The following OPCML variants were observed in gnomAD, a reference collection of about 807,000 sequenced individuals.
OPCML encodes opioid-binding protein/cell adhesion molecule.
OPCML carries 13 observed loss-of-function variants against 37.8 expected under a neutral mutation model. The observed-to-expected ratio is 0.34, with a 90% CI of 0.22 to 0.55. The LOEUF is 0.55. Among genes scored for constraint, OPCML ranks in the 20% least tolerant of loss-of-function variants. OPCML has a pLI of 0.91. For synonymous variants in OPCML, 176 were observed against 168.8 expected, an observed-to-expected ratio of 1.04 and a Z score of -0.33; for missense variants, 341 against 435.6, an observed-to-expected ratio of 0.78 and a Z score of 1.93.
At chr11:133,294,482 C>T (rs1942571794) in intron 1 of OPCML, among the ~76,000 whole-genome samples, 1 of 152,112 alleles carries the variant, frequency 6.6e-6, no homozygotes, top group African/African-American at 2.4e-5. Flanking sequence ...TTAAAGGTCT[C>T]TTCATTTGTT....
chr11:133,005,635 C>T, intron 1 of OPCML: 1 of 979,336 alleles, frequency 1.0e-6, no homozygotes, highest in Non-Finnish European at 1.2e-6. Context: ...TCTGATGGCT[C>T]AGCCATCCAA....
At chr11:132,612,334 TA>T (rs917676928) in intron 3 of OPCML, among the ~76,000 whole-genome samples, 1 of 152,246 alleles carries the variant, frequency 6.6e-6, no homozygotes, top group Admixed American at 6.5e-5. Context: ...CATAAGTTTG[TA>T]ATATAAATAA....
At chr11:132,569,376 ACTTGTAGC>A (rs1253416050) in intron 3 of OPCML, among the ~76,000 whole-genome samples, 1 of 152,192 alleles carries the variant, frequency 6.6e-6, no homozygotes, top group Non-Finnish European at 1.5e-5. Context: ...TTCATCTCAG[ACTTGTAGC>A]CTCTAGAACT....
At chr11:133,386,450 T>G (rs1246314031) in intron 1 of OPCML, among the ~76,000 whole-genome samples, 1 of 152,164 alleles carries the variant, frequency 6.6e-6, no homozygotes, top group Non-Finnish European at 1.5e-5. Context: ...GAAGACATAC[T>G]GGCCAGCTCC....
At chr11:132,833,603 T>C (rs543011463) in intron 2 of OPCML, among the ~76,000 whole-genome samples, 1 of 152,390 alleles carries the variant, frequency 6.6e-6, no homozygotes, top group South Asian at 2.1e-4. Flanking sequence ...TAAAGCTTAA[T>C]GTGCCTTACA....
chr11:132,663,814 GT>G (rs907259229), intron 2 of OPCML, among the ~76,000 whole-genome samples: 184 of 151,708 alleles, frequency 1.2e-3, no homozygotes, highest in South Asian at 3.3e-3. Flanking sequence ...ATTTAATGTT[GT>G]TTTTTTTGTT....
chr11:132,966,542 T>C (rs1034288215), intron 1 of OPCML, among the ~76,000 whole-genome samples: 2 of 151,788 alleles, frequency 1.3e-5, no homozygotes, highest in Non-Finnish European at 2.9e-5. Context: ...TTGAATGGAG[T>C]GCTTCATAGA....
intron 1 of OPCML, among the ~76,000 whole-genome samples, chr11:133,419,617 C>T (rs987315909): frequency 6.6e-6 from 1 of 152,146 alleles, no homozygotes; most frequent in Non-Finnish European, 1.5e-5. Context: ...GTGCCCCCTT[C>T]TGAACTCTGT....
chr11:133,225,944 A>G lies in OPCML; in HGVS notation c.62-282934T>C, dbSNP rs538478509. Among the ~76,000 whole-genome samples the G allele has an allele frequency of 1.1e-4, 16 of 152,378 alleles. No individual in the cohort carries two copies. The South Asian group carries it at 3.3e-3, about 32-fold the overall frequency. ...CAGCTTCCCATGCATTACATCATTCAGTCTTCAAACAGCCCTATGAAGCAC... is the reference window on the plus strand; with the variant it reads ...CAGCTTCCCATGCATTACATCATTCGGTCTTCAAACAGCCCTATGAAGCAC... On this transcript the variant is annotated intron_variant, in intron 1 of 7. Coordinates refer to ENST00000524381, the MANE Select transcript of OPCML (RefSeq NM_001012393.5).
In OPCML at chr11:133,040,875, T is replaced by A. The variant is rs537301458; in HGVS notation, c.62-97865A>T. 2.0e-5 allele frequency among the ~76,000 whole-genome samples: 3 copies of A among 152,222 alleles called. No individual in the cohort carries two copies. The South Asian group carries it at 6.2e-4, about 32-fold the overall frequency. ...ACACTCGGAGAAGTGGTTTGTGCAG[T>A]TTAAAAGCAACGATACCTGTAGATT... On this transcript the variant is annotated intron_variant, in intron 1 of 7. Transcript: ENST00000524381.
chr11:132,663,211 T>C (rs1175489907), intron 2 of OPCML, among the ~76,000 whole-genome samples: 2 of 152,202 alleles, frequency 1.3e-5, no homozygotes, highest in African/African-American at 2.4e-5. Flanking sequence ...CCATATTCAG[T>C]ATCACCAGCA....
chr11:133,096,311 T>C (rs572765609), intron 1 of OPCML, among the ~76,000 whole-genome samples: 2 of 152,164 alleles, frequency 1.3e-5, no homozygotes, highest in African/African-American at 4.8e-5. Flanking sequence ...CATAAATTAG[T>C]TGTGAATGTA....
At chr11:133,287,049 C>G (rs910708802) in intron 1 of OPCML, among the ~76,000 whole-genome samples, 1 of 152,138 alleles carries the variant, frequency 6.6e-6, no homozygotes, top group Non-Finnish European at 1.5e-5. Context: ...AAGAGAAACA[C>G]TAGTGAGAGC....
intron 2 of OPCML, among the ~76,000 whole-genome samples, chr11:132,875,984 T>G (rs1291184539): frequency 6.6e-6 from 1 of 152,234 alleles, no homozygotes; most frequent in East Asian, 1.9e-4. Flanking sequence ...AGATGGGATC[T>G]ATTTTAACAA....
At chr11:132,945,140 A>T (rs1945717868) in intron 1 of OPCML, among the ~76,000 whole-genome samples, 1 of 152,240 alleles carries the variant, frequency 6.6e-6, no homozygotes, top group Non-Finnish European at 1.5e-5. Flanking sequence ...ATCACTAATT[A>T]TATCAGCTAT....
chr11:132,894,854 G>A (rs994936489), intron 2 of OPCML, among the ~76,000 whole-genome samples: 5 of 152,124 alleles, frequency 3.3e-5, no homozygotes, highest in Non-Finnish European at 1.5e-5. Flanking sequence ...CCTGGAACTT[G>A]GCCTGAACAA....
intron 4 of OPCML, among the ~76,000 whole-genome samples, chr11:132,455,440 G>A (rs1226744303): frequency 6.6e-6 from 1 of 152,174 alleles, no homozygotes; most frequent in Non-Finnish European, 1.5e-5. Flanking sequence ...TTCTAATAGG[G>A]CAGAAACAAA....
chr11:133,210,161 A>G (rs1939293902), intron 1 of OPCML, among the ~76,000 whole-genome samples: 1 of 152,188 alleles, frequency 6.6e-6, no homozygotes. Context: ...CTATTTTTTC[A>G]TTACAGAAAA....
chr11:133,260,483 G>A (rs1430884973), intron 1 of OPCML, among the ~76,000 whole-genome samples: 3 of 152,084 alleles, frequency 2.0e-5, no homozygotes, highest in East Asian at 1.9e-4. Context: ...AGTCCTCAAA[G>A]GTGTTGAAGG....
Sources: gnomAD v4.1 joint callset for allele counts (sites outside exome capture counted in the v4.1 genomes callset) on GRCh38, gnomAD v4.1.1 for gene constraint, MANE v1.5 for transcripts, NCBI Gene and HGNC (gene_info 2026-07-23, HGNC 2026-07-21) for gene names.